Variants in ELAPOR2 observed in about 807,000 individuals in gnomAD.
ELAPOR2 encodes endosome-lysosome associated apoptosis and autophagy regulator family member 2, also known as endosome/lysosome-associated apoptosis and autophagy regulator family member 2.
Under a neutral mutation model 120.7 loss-of-function variants are expected in ELAPOR2, and 89 were observed. The ratio of observed to expected loss-of-function variants is 0.74; its 90% CI spans 0.62 to 0.88. ELAPOR2 has a LOEUF of 0.88. Among genes scored for constraint, ELAPOR2 ranks in the 40% least tolerant of loss-of-function variants. The probability of loss-of-function intolerance (pLI) is 0.00; values close to 1 mark genes in which losing one functional copy is unlikely to be tolerated. For synonymous variants in ELAPOR2, 444 were observed against 444.9 expected, an observed-to-expected ratio of 1.00 and a Z score of 0.03; for missense variants, 1,134 against 1,251.6, an observed-to-expected ratio of 0.91 and a Z score of 1.42.
In ELAPOR2 at chr7:86,926,919, A is replaced by C. The variant is rs778342434; in HGVS notation, c.1090-3T>G. 1.8e-5 allele frequency: 22 copies of C among 1,195,174 alleles called. No homozygotes were observed. Among genetic ancestry groups the C allele is most frequent in the Non-Finnish European group, 2.3e-5 (22 of 942,548 alleles). 74.0% of individuals were successfully genotyped at this position (1,195,174 alleles called of 1,614,324 possible). On this transcript the variant is annotated splice_region_variant and splice_polypyrimidine_tract_variant and intron_variant, in intron 8 of 21. Coordinates refer to ENST00000450689, the MANE Select transcript of ELAPOR2 (RefSeq NM_001142749.3). ...ATCCACTTGTACATTATCTGTGTCT[A>C]CAAAAAAAAAAAAAAAAAAAAAGCA...
chr7:86,900,431 GA>G (rs1298019277), intron 18 of ELAPOR2, among the ~76,000 whole-genome samples: 1 of 152,078 alleles, frequency 6.6e-6, no homozygotes, highest in Non-Finnish European at 1.5e-5. Flanking sequence ...TGGATAAAAT[GA>G]GTGAACAATT....
At chr7:86,959,168 A>G (rs776148280) in intron 2 of ELAPOR2, among the ~76,000 whole-genome samples, 1 of 152,188 alleles carries the variant, frequency 6.6e-6, no homozygotes, top group Non-Finnish European at 1.5e-5. Context: ...TTTATTTTGT[A>G]TCTTACAGCT....
At chr7:87,037,679 T>C (rs1794632483) in intron 1 of ELAPOR2, among the ~76,000 whole-genome samples, 1 of 152,244 alleles carries the variant, frequency 6.6e-6, no homozygotes, top group Non-Finnish European at 1.5e-5. Context: ...TTGATGTTAA[T>C]AGCGCTTCAT....
At position 86,983,848 on chromosome 7, in the gene ELAPOR2, A is replaced by C. The variant is rs866070190; in HGVS notation, c.190-18824T>G. On this transcript the variant is annotated intron_variant, in intron 1 of 21. Coordinates refer to ENST00000450689, the MANE Select transcript of ELAPOR2 (RefSeq NM_001142749.3). ...TTCACACACAACAATATTAACCTTAAATGTAAATGGGCTAGATACCCCAAT... is the reference window on the plus strand; with the variant it reads ...TTCACACACAACAATATTAACCTTACATGTAAATGGGCTAGATACCCCAAT... 1.1e-4 allele frequency among the ~76,000 whole-genome samples: 16 copies of C among 152,336 alleles called. No homozygotes were observed. The Middle Eastern group carries it at 0.017, about 162-fold the overall frequency.
At chr7:86,987,324 A>G (rs79896925) in intron 1 of ELAPOR2, among the ~76,000 whole-genome samples, 32,569 of 152,024 alleles carry the variant, frequency 0.21, 3,648 homozygotes, top group African/African-American at 0.22. Context: ...AGCAACAGCA[A>G]CAAAAGCCAA....
chr7:87,049,956 T>TA (rs1392023760), intron 1 of ELAPOR2, among the ~76,000 whole-genome samples: 2 of 152,200 alleles, frequency 1.3e-5, no homozygotes, highest in African/African-American at 4.8e-5. Flanking sequence ...CCTTATAAAA[T>TA]AGAGTTCAGG....
At chr7:86,943,456 T>A (rs1005852759) in intron 4 of ELAPOR2, among the ~76,000 whole-genome samples, 1 of 152,052 alleles carries the variant, frequency 6.6e-6, no homozygotes, top group Non-Finnish European at 1.5e-5. Flanking sequence ...ATTAGTATGA[T>A]GACCATGAAG....
intron 2 of ELAPOR2, among the ~76,000 whole-genome samples, chr7:86,963,389 T>C (rs934211234): frequency 6.6e-6 from 1 of 152,180 alleles, no homozygotes; most frequent in Non-Finnish European, 1.5e-5. Context: ...AGTGCTATGC[T>C]GATAAGTATT....
At chr7:86,911,559 A>G (rs1789309920) in intron 15 of ELAPOR2, 2 of 450,532 alleles carry the variant, frequency 4.4e-6, no homozygotes, top group Non-Finnish European at 8.9e-6. Context: ...CATTGCCAGT[A>G]TCAATTAAGA....
At chr7:86,979,386 G>C (rs994661371) in intron 1 of ELAPOR2, among the ~76,000 whole-genome samples, 8 of 152,198 alleles carry the variant, frequency 5.3e-5, no homozygotes, top group African/African-American at 1.9e-4. Flanking sequence ...AAAATCGTAA[G>C]TGTAACCTAG....
chr7:87,031,985 A>G (rs552697376), intron 1 of ELAPOR2, among the ~76,000 whole-genome samples: 24 of 152,258 alleles, frequency 1.6e-4, no homozygotes, highest in Non-Finnish European at 2.6e-4. Flanking sequence ...TATAAAATGC[A>G]ACTGAATCTG....
chr7:86,935,189 G>A (rs1790511436), intron 8 of ELAPOR2, among the ~76,000 whole-genome samples: 1 of 151,928 alleles, frequency 6.6e-6, no homozygotes, highest in Non-Finnish European at 1.5e-5. Flanking sequence ...TAGGACAAAG[G>A]CCAAAATTCC....
intron 1 of ELAPOR2, among the ~76,000 whole-genome samples, chr7:87,037,552 TTC>T (rs1223890574): frequency 1.3e-5 from 2 of 152,322 alleles, no homozygotes; most frequent in Middle Eastern, 6.8e-3. Context: ...ATGTGTTTAG[TTC>T]TGTTAGTTAT....
At chr7:86,932,899 CA>C (rs1296094124) in intron 8 of ELAPOR2, among the ~76,000 whole-genome samples, 3 of 151,812 alleles carry the variant, frequency 2.0e-5, no homozygotes, top group African/African-American at 7.3e-5. Context: ...AATTTGAGCT[CA>C]TTGTTCAAAC....
chr7:87,013,155 G>A (rs1193302760), intron 1 of ELAPOR2, among the ~76,000 whole-genome samples: 1 of 152,108 alleles, frequency 6.6e-6, no homozygotes, highest in African/African-American at 2.4e-5. Flanking sequence ...TGGCCAAGAA[G>A]GGTCTACTTT....
At chr7:86,895,046 C>T (rs1172328482) in intron 19 of ELAPOR2, among the ~76,000 whole-genome samples, 3 of 151,966 alleles carry the variant, frequency 2.0e-5, no homozygotes, top group Non-Finnish European at 4.4e-5. Context: ...AAAGTGCACG[C>T]TCAATCAACA....
Position 86,914,762 on chromosome 7 carries a change from T to C in ELAPOR2, c.1692A>G (p.Thr564=). The stretch of plus-strand genomic sequence containing the variant: ...TAGTTCTCTGGAATGCCCATGTAAA[T>C]GTAAAAGTTGCATTCTTGAAGATGA... ...THIIFKNATF[T]FTWAFQRTNQ... is the part of the protein sequence containing the mutation. Residue 564 remains threonine, a synonymous_variant, in exon 13 of 22, where the codon ACA becomes ACG. Coordinates refer to ENST00000450689, the MANE Select transcript of ELAPOR2 (RefSeq NM_001142749.3). 1.2e-6 allele frequency: 2 copies of C among 1,612,238 alleles called. No homozygotes were observed.
chr7:87,027,750 C>A (rs1275073400), intron 1 of ELAPOR2, among the ~76,000 whole-genome samples: 1 of 152,068 alleles, frequency 6.6e-6, no homozygotes, highest in Non-Finnish European at 1.5e-5. Context: ...TAGAAGGAAC[C>A]AAGCCTGCTG....
chr7:87,034,770 G>C (rs1019954486), intron 1 of ELAPOR2, among the ~76,000 whole-genome samples: 33 of 152,114 alleles, frequency 2.2e-4, no homozygotes, highest in African/African-American at 8.0e-4. Context: ...TTAGAATAAA[G>C]TGCTAAGTAA....
Sources: allele counts gnomAD v4.1 joint callset (sites outside exome capture counted in the v4.1 genomes callset), GRCh38; gene constraint gnomAD v4.1.1; transcripts MANE v1.5; gene names NCBI Gene and HGNC (gene_info 2026-07-23, HGNC 2026-07-21).